The following TAOK1 variants were observed in gnomAD, a reference collection of about 807,000 sequenced individuals.
TAOK1 encodes TAO kinase 1.
In TAOK1, 21 loss-of-function variants were observed where a neutral mutation model predicts 138.3. The ratio of observed to expected loss-of-function variants is 0.15; its 90% confidence interval spans 0.11 to 0.22. The LOEUF is 0.22. Among genes scored for constraint, TAOK1 ranks in the 10% least tolerant of loss-of-function variants. The probability of loss-of-function intolerance (pLI) is 1.00; values close to 1 mark genes in which losing one functional copy is unlikely to be tolerated. For synonymous variants in TAOK1, 361 were observed against 398.4 expected (o/e 0.91, Z 1.12); for missense variants, 651 against 1,227.7 (o/e 0.53, Z 7.02).
chr17:29,450,774 C>T (rs2030211216), intron 1 of TAOK1, among the ~76,000 whole-genome samples: 1 of 152,136 alleles, frequency 6.6e-6, no homozygotes, highest in Non-Finnish European at 1.5e-5. Flanking sequence ...CCTTGACCTC[C>T]CAAAGAGCTG....
chr17:29,510,813 A>G, intron 14 of TAOK1, 51 bp from the exon 15 acceptor site: 1 of 1,375,956 alleles, frequency 7.3e-7, no homozygotes, highest in Non-Finnish European at 9.8e-7. Context: ...ATATTAAACC[A>G]CTACTTTATC....
chr17:29,534,311 T>TGAGCGCAC lies in TAOK1; in HGVS notation c.2544+11_2544+12insGAGCGCAC. 6.6e-7 allele frequency: 1 copy of TGAGCGCAC among 1,513,716 alleles called. No homozygotes were observed. Among genetic ancestry groups the TGAGCGCAC allele is most frequent in the Non-Finnish European group, 8.8e-7 (1 of 1,130,512 alleles). The allele number at this position is 1,513,716 out of a possible 1,614,324, so 93.8% of individuals were successfully genotyped here. Reference sequence around the variant, plus strand: ...CTCTTAGAACAAAAGGTATAAGTAATAGAAGGAAAAATCATTGTTTTCGAA... The same window carrying TGAGCGCAC: ...CTCTTAGAACAAAAGGTATAAGTAATGAGCGCACAGAAGGAAAAATCATTGTTTTCGAA... On this transcript the variant is annotated intron_variant, in intron 19 of 19. Transcript: ENST00000261716.
rs1904384289 is a variant in TAOK1 at position 29,390,595 on chromosome 17, G to C, written c.-524G>C. ...CGCGGCCTCTCTTCCCTTTGTGAGCGCCTCCTTACCAGGGGTGGTGTTGGT... is the reference window on the plus strand; with the variant it reads ...CGCGGCCTCTCTTCCCTTTGTGAGCCCCTCCTTACCAGGGGTGGTGTTGGT... On this transcript the variant is annotated 5_prime_UTR_variant, in exon 1 of 20. Coordinates refer to ENST00000261716, the MANE Select transcript of TAOK1 (RefSeq NM_020791.4). 1 of 152,154 alleles carries C rather than the reference G, an allele frequency of 6.6e-6. No homozygotes were observed. 9.4% of individuals were successfully genotyped at this position (152,154 alleles called of 1,614,324 possible). A position where few individuals can be genotyped will look rare whatever the true frequency, so the allele number is the denominator to read the frequency against.
intron 7 of TAOK1, among the ~76,000 whole-genome samples, chr17:29,481,986 A>G (rs184145598): frequency 6.6e-6 from 1 of 152,152 alleles, no homozygotes; most frequent in East Asian, 1.9e-4. Context: ...ACAATAAATA[A>G]ATAAATACAT....
Position 29,526,281 on chromosome 17 carries a change from A to G in TAOK1, c.2148+3762A>G, listed in dbSNP as rs556442920. On this transcript the variant is annotated intron_variant, in intron 17 of 19. Coordinates refer to ENST00000261716, the MANE Select transcript of TAOK1 (RefSeq NM_020791.4). ...GCCTGGGCAACAAGGGCAAAACTCC[A>G]TCTCAACAAATAAATAAATAAAAAT... 3.9e-5 allele frequency among the ~76,000 whole-genome samples: 6 copies of G among 152,152 alleles called. No individual in the cohort carries two copies. The South Asian group carries it at 8.3e-4, about 21-fold the overall frequency.
intron 1 of TAOK1, among the ~76,000 whole-genome samples, chr17:29,410,632 TTG>T (rs1491056461): frequency 2.0e-5 from 3 of 149,918 alleles, no homozygotes; most frequent in African/African-American, 2.4e-5. Context: ...TTTTTTTTTT[TTG>T]GTTTTTTTTT....
intron 1 of TAOK1, among the ~76,000 whole-genome samples, chr17:29,421,283 G>C (rs1350484421): frequency 6.6e-6 from 1 of 152,198 alleles, no homozygotes; most frequent in Non-Finnish European, 1.5e-5. Flanking sequence ...TTTTACTCCT[G>C]AGAGGAATCC....
chr17:29,474,096 A>G (rs752689673), intron 3 of TAOK1, among the ~76,000 whole-genome samples: 16 of 152,142 alleles, frequency 1.1e-4, no homozygotes, highest in Admixed American at 5.9e-4. Context: ...AGCAACCTCT[A>G]CTAGCTTCCA....
At chr17:29,504,835 T>G (rs62066623) in intron 13 of TAOK1, among the ~76,000 whole-genome samples, 221 of 152,342 alleles carry the variant, frequency 1.5e-3, no homozygotes, top group Non-Finnish European at 1.4e-3. Context: ...CTACCATAAG[T>G]CAGGTTATTC....
chr17:29,526,819 T>TAAAAAAAAAAAA (rs71138830), intron 17 of TAOK1, among the ~76,000 whole-genome samples: 4 of 50,952 alleles, frequency 7.9e-5, no homozygotes, highest in Non-Finnish European at 1.0e-4. Flanking sequence ...TCTCATCTCT[T>TAAAAAAAAAAAA]AAAAAAAAAA....
Position 29,483,800 on chromosome 17 carries a change from A to G in TAOK1, c.655+1512A>G, listed in dbSNP as rs527262306. ...TGCAAAACTGTTTCTTCCATTTGAA[A>G]GTACCTTTAGGTGTCCTAAACTCTA... On this transcript the variant is annotated intron_variant, in intron 8 of 19. Transcript: ENST00000261716. Among the ~76,000 whole-genome samples, 118 of 152,320 alleles carry G rather than the reference A, an allele frequency of 7.7e-4. 2 individuals carry two copies. In the South Asian group the frequency reaches 0.021, roughly 27 times the overall value.
At chr17:29,446,178 C>T (rs538789746) in intron 1 of TAOK1, among the ~76,000 whole-genome samples, 24 of 152,242 alleles carry the variant, frequency 1.6e-4, no homozygotes, top group African/African-American at 5.5e-4. Context: ...GGCTACAGGC[C>T]TTTCTGTCTT....
chr17:29,417,482 G>A (rs1598472101), intron 1 of TAOK1, among the ~76,000 whole-genome samples: 1 of 152,168 alleles, frequency 6.6e-6, no homozygotes, highest in East Asian at 1.9e-4. Flanking sequence ...TGTACAACAG[G>A]CTCCATTACA....
intron 3 of TAOK1, among the ~76,000 whole-genome samples, chr17:29,475,033 C>T (rs1452653399): frequency 1.3e-5 from 2 of 151,988 alleles, no homozygotes; most frequent in Non-Finnish European, 2.9e-5. Context: ...CTCCACCTCC[C>T]GTGTTCAAGC....
At chr17:29,495,396 A>T (rs1337964923) in intron 10 of TAOK1, among the ~76,000 whole-genome samples, 164 bp from the exon 11 acceptor site, 1 of 152,232 alleles carries the variant, frequency 6.6e-6, no homozygotes, top group African/African-American at 2.4e-5. Flanking sequence ...CACAGAGTAT[A>T]TGTATGTAAA....
rs1291717453 is a variant in TAOK1, at chr17:29,543,805, CT to C, written c.*785del. On this transcript the variant is annotated 3_prime_UTR_variant, in exon 20 of 20. Coordinates refer to ENST00000261716, the MANE Select transcript of TAOK1 (RefSeq NM_020791.4). ...TTTGTATTATGATAAGATGGGGGTA[CT>C]TAAGGAGATCACAAGTTGTGTGAGG... 6.6e-6 allele frequency: 1 copy of C among 152,056 alleles called. No individual in the cohort carries two copies. The highest frequency in any genetic ancestry group is 1.9e-4 in the East Asian group (1 of 5,190). 9.4% of individuals were successfully genotyped at this position (152,056 alleles called of 1,614,324 possible).
intron 1 of TAOK1, among the ~76,000 whole-genome samples, chr17:29,432,186 G>T (rs1482278946): frequency 6.6e-6 from 1 of 152,214 alleles, no homozygotes; most frequent in South Asian, 2.1e-4. Context: ...CAGCAAGCCA[G>T]TGATAAGCAT....
chr17:29,526,286 A>C (rs186113108), intron 17 of TAOK1, among the ~76,000 whole-genome samples: 186 of 152,230 alleles, frequency 1.2e-3, no homozygotes, highest in African/African-American at 4.3e-3. Context: ...ACTCCATCTC[A>C]ACAAATAAAT....
chr17:29,407,418 C>T (rs1009270399), intron 1 of TAOK1, among the ~76,000 whole-genome samples: 4 of 152,042 alleles, frequency 2.6e-5, no homozygotes, highest in African/African-American at 4.8e-5. Flanking sequence ...TCCTTTATAC[C>T]CAATTGCCTG....
Sources: gnomAD v4.1 joint callset for allele counts (sites outside exome capture counted in the v4.1 genomes callset) on GRCh38, gnomAD v4.1.1 for gene constraint, MANE v1.5 for transcripts, NCBI Gene and HGNC (gene_info 2026-07-23, HGNC 2026-07-21) for gene names.